The following FBXO15 variants were observed in gnomAD, a reference collection of about 807,000 sequenced individuals.
FBXO15 encodes F-box protein 15.
FBXO15 carries 30 observed loss-of-function variants against 49.5 expected under a neutral mutation model. That is an observed-to-expected ratio of 0.61 (90% CI 0.45 to 0.82). The LOEUF is 0.82. FBXO15 is among the 40% of genes least tolerant of loss of function. FBXO15 has a pLI of 0.00. For missense variants in FBXO15, 591 were observed against 631.5 expected (o/e 0.94, Z 0.69); for synonymous variants, 250 against 232.7 (o/e 1.07, Z -0.68).
At chr18:74,101,078 C>T (rs754128434) in intron 8 of FBXO15, among the ~76,000 whole-genome samples, 30 of 152,128 alleles carry the variant, frequency 2.0e-4, no homozygotes, top group African/African-American at 3.4e-4. Context: ...CACCCTCATA[C>T]TAAAACCAGG....
chr18:74,138,301 G>T (rs983044372), intron 2 of FBXO15, among the ~76,000 whole-genome samples: 4 of 152,154 alleles, frequency 2.6e-5, no homozygotes, highest in Non-Finnish European at 5.9e-5. Flanking sequence ...ACGCAAGTAG[G>T]AAAATGAGCG....
chr18:74,109,224 T>G (rs922810142), intron 8 of FBXO15, among the ~76,000 whole-genome samples: 2 of 152,018 alleles, frequency 1.3e-5, no homozygotes, highest in Non-Finnish European at 2.9e-5. Flanking sequence ...AATAGACATA[T>G]GAAAAAATGC....
intron 1 of FBXO15, among the ~76,000 whole-genome samples, chr18:74,145,791 G>A (rs758521193): frequency 6.6e-6 from 1 of 151,846 alleles, no homozygotes; most frequent in Non-Finnish European, 1.5e-5. Flanking sequence ...GTAGAGACGG[G>A]GTTTCACAGT....
At chr18:74,095,030 C>T (rs778902688) in intron 8 of FBXO15, among the ~76,000 whole-genome samples, 3 of 152,192 alleles carry the variant, frequency 2.0e-5, no homozygotes, top group Non-Finnish European at 2.9e-5. Flanking sequence ...ATAATCCAAC[C>T]TCTGCTAGCT....
chr18:74,141,302 G>C (rs1215768052), intron 1 of FBXO15, among the ~76,000 whole-genome samples: 3 of 152,144 alleles, frequency 2.0e-5, no homozygotes, highest in Non-Finnish European at 4.4e-5. Flanking sequence ...CACACCCGGA[G>C]AGCCATGAAT....
At chr18:74,143,877 TTC>T (rs1371265549) in intron 1 of FBXO15, among the ~76,000 whole-genome samples, 6 of 152,332 alleles carry the variant, frequency 3.9e-5, no homozygotes, top group African/African-American at 9.6e-5. Context: ...TTTGTGTCCT[TTC>T]TCTGTTTCTC....
intron 8 of FBXO15, among the ~76,000 whole-genome samples, chr18:74,111,850 T>C (rs775798760): frequency 5.9e-5 from 9 of 151,760 alleles, no homozygotes; most frequent in Non-Finnish European, 1.3e-4. Context: ...AAATGAAAAA[T>C]GGGAATATCA....
At chr18:74,134,366 A>AT (rs34748425) in intron 3 of FBXO15, among the ~76,000 whole-genome samples, 13,421 of 119,246 alleles carry the variant, frequency 0.11, 1,017 homozygotes, top group East Asian at 0.15. Flanking sequence ...GACCTGGAGA[A>AT]TTTTTTTTTT....
At chr18:74,077,779 G>T (rs1912315275) in intron 9 of FBXO15, among the ~76,000 whole-genome samples, 3 of 152,178 alleles carry the variant, frequency 2.0e-5, no homozygotes, top group Admixed American at 2.0e-4. Context: ...CATTACCACT[G>T]TGGCCGTTTT....
At chr18:74,101,669 C>T (rs757411151) in intron 8 of FBXO15, among the ~76,000 whole-genome samples, 2 of 152,036 alleles carry the variant, frequency 1.3e-5, no homozygotes, top group Non-Finnish European at 2.9e-5. Flanking sequence ...CAAGACTAAG[C>T]AAAAAGAACA....
At chr18:74,133,216 AAAAAG>A (rs1978506181) in intron 3 of FBXO15, among the ~76,000 whole-genome samples, 1 of 152,220 alleles carries the variant, frequency 6.6e-6, no homozygotes, top group South Asian at 2.1e-4. Flanking sequence ...ATGTCTTTTG[AAAAAG>A]AAAAGAAATG....
chr18:74,085,911 A>C (rs1174289077), intron 8 of FBXO15, among the ~76,000 whole-genome samples: 2 of 152,238 alleles, frequency 1.3e-5, no homozygotes, highest in Non-Finnish European at 2.9e-5. Flanking sequence ...AAAAACAACC[A>C]GGAAATTTAA....
intron 1 of FBXO15, among the ~76,000 whole-genome samples, chr18:74,145,959 A>C (rs17088845): frequency 6.6e-6 from 1 of 152,140 alleles, no homozygotes; most frequent in Non-Finnish European, 1.5e-5. Context: ...TTATGTTTTT[A>C]TGCGAATCTA....
At chr18:74,129,832 A>G (rs894585886) in intron 4 of FBXO15, among the ~76,000 whole-genome samples, 1 of 152,196 alleles carries the variant, frequency 6.6e-6, no homozygotes, top group Admixed American at 6.5e-5. Context: ...TTTTCCAGGT[A>G]CTGGCAATAT....
intron 8 of FBXO15, among the ~76,000 whole-genome samples, chr18:74,082,749 G>A (rs757840387): frequency 6.6e-6 from 1 of 152,126 alleles, no homozygotes; most frequent in African/African-American, 2.4e-5. Context: ...CTGTCTGAAC[G>A]CACCCTGAGA....
chr18:74,145,651 G>A (rs9956046), intron 1 of FBXO15, among the ~76,000 whole-genome samples: 12,300 of 140,826 alleles, frequency 0.087, 957 homozygotes, highest in African/African-American at 0.22. Flanking sequence ...AGGCTGGAGT[G>A]CAGTGGCGCT....
In FBXO15 at chr18:74,113,185, G is replaced by C. The variant is rs1364277167; in HGVS notation, c.1138+10183C>G. ...CATAAATGCTTATTACTAACCGAAA[G>C]ACGCTGGTCTGAAAAGGTTAATACT... On this transcript the variant is annotated intron_variant, in intron 8 of 9. Coordinates refer to ENST00000419743, the MANE Select transcript of FBXO15 (RefSeq NM_001142958.2). 2.6e-5 allele frequency among the ~76,000 whole-genome samples: 4 copies of C among 152,244 alleles called. No individual in the cohort carries two copies. In the East Asian group the frequency reaches 5.8e-4, roughly 22 times the overall value.
chr18:74,113,952 TCACACAG>T (rs1413454821), intron 8 of FBXO15, among the ~76,000 whole-genome samples: 2 of 152,230 alleles, frequency 1.3e-5, no homozygotes, highest in Non-Finnish European at 2.9e-5. Context: ...TGAAAATAGT[TCACACAG>T]CAGGCCTCAT....
intron 8 of FBXO15, among the ~76,000 whole-genome samples, chr18:74,120,269 C>G (rs1914417533): frequency 6.6e-6 from 1 of 152,210 alleles, no homozygotes; most frequent in Non-Finnish European, 1.5e-5. Flanking sequence ...CTCAACACCT[C>G]TCTCTAACTG....
Sources: allele counts gnomAD v4.1 joint callset (sites outside exome capture counted in the v4.1 genomes callset), GRCh38; gene constraint gnomAD v4.1.1; transcripts MANE v1.5; gene names NCBI Gene and HGNC (gene_info 2026-07-23, HGNC 2026-07-21).